The following CEP192 variants were observed in gnomAD, a reference collection of about 807,000 sequenced individuals.
The protein encoded by CEP192 is centrosomal protein 192, also known as centrosomal protein of 192 kDa.
Under a neutral mutation model 271.8 loss-of-function variants are expected in CEP192, and 151 were observed. That is an observed-to-expected ratio of 0.56 (90% CI 0.49 to 0.64). The LOEUF (loss-of-function observed/expected upper bound fraction) is 0.64. CEP192 is among the 30% of genes least tolerant of loss of function. The pLI, the probability that CEP192 is intolerant of heterozygous loss-of-function variation, is 0.00. For synonymous variants in CEP192, 995 were observed against 1,076.5 expected (o/e 0.92, Z 1.48); for missense variants, 2,910 against 3,020.5 (o/e 0.96, Z 0.86).
intron 8 of CEP192, 34 bp downstream of exon 8, chr18:13,018,649 G>T: frequency 7.2e-7 from 1 of 1,393,512 alleles, no homozygotes; most frequent in East Asian, 2.7e-5. Flanking sequence ...TTGTTCTTAA[G>T]TTCTAGTTTT....
At chr18:13,065,491 CTAATA>C (rs1156798584) in intron 21 of CEP192, among the ~76,000 whole-genome samples, 6 of 152,120 alleles carry the variant, frequency 3.9e-5, no homozygotes, top group Non-Finnish European at 8.8e-5. Context: ...AAAACTTATT[CTAATA>C]TAACAACAGC....
intron 30 of CEP192, among the ~76,000 whole-genome samples, chr18:13,076,114 C>CA (rs2144528330): frequency 6.6e-6 from 1 of 152,324 alleles, no homozygotes; most frequent in East Asian, 1.9e-4. Context: ...AGACAGTTCC[C>CA]ACCACAAAGA....
intron 11 of CEP192, among the ~76,000 whole-genome samples, chr18:13,036,170 GTTTT>G (rs1040880292): frequency 6.7e-6 from 1 of 149,482 alleles, no homozygotes; most frequent in African/African-American, 2.5e-5. Flanking sequence ...TGTTTTGTTT[GTTTT>G]TTTTAATAAG....
chr18:13,083,304 A>G (rs2038722906), intron 30 of CEP192, among the ~76,000 whole-genome samples: 1 of 152,238 alleles, frequency 6.6e-6, no homozygotes, highest in East Asian at 1.9e-4. Flanking sequence ...TATTTCTTGG[A>G]GGCTTTGTTT....
At chr18:13,005,201 A>G (rs1239276737) in intron 3 of CEP192, among the ~76,000 whole-genome samples, 1 of 152,158 alleles carries the variant, frequency 6.6e-6, no homozygotes, top group East Asian at 1.9e-4. Flanking sequence ...GGGGGTAGCA[A>G]TGTCCTCACA....
rs73951101 is a variant in CEP192, at chr18:13,101,253, A to G, written c.6871+741A>G. ...ATGAGATATTCAACCCCTTGTTATA[A>G]AATGAACTTTGTGTTAGAGGATTTG... On this transcript the variant is annotated intron_variant, in intron 38 of 44. Coordinates refer to ENST00000506447, the MANE Select transcript of CEP192 (RefSeq NM_032142.4). Among the ~76,000 whole-genome samples the G allele has an allele frequency of 5.5e-3, 843 of 152,316 alleles. 9 individuals are homozygous for G. The highest frequency in any genetic ancestry group is 0.019 in the African/African-American group (810 of 41,562).
At position 13,098,359 on chromosome 18, in the gene CEP192, C is replaced by T. The variant is rs533498856; in HGVS notation, c.6558-1117C>T. Among the ~76,000 whole-genome samples, 821 of 152,110 alleles carry T rather than the reference C, an allele frequency of 5.4e-3. 10 individuals are homozygous for T. Among genetic ancestry groups the T allele is most frequent in the African/African-American group, 0.018 (739 of 41,496 alleles). On this transcript the variant is annotated intron_variant, in intron 36 of 44. Coordinates refer to ENST00000506447, the MANE Select transcript of CEP192 (RefSeq NM_032142.4). ...CCTCCCGGACAGGGTGGCTGCCAGG[C>T]GGAGACACTCCTCACTTCCCAGACG... is the stretch of plus-strand genomic sequence containing the variant.
intron 42 of CEP192, 115 bp downstream of exon 42, chr18:13,114,366 C>T (rs1244608712): frequency 1.9e-6 from 2 of 1,073,974 alleles, no homozygotes; most frequent in Non-Finnish European, 2.7e-6. Flanking sequence ...GCACTCCAAC[C>T]AAGATACAGA....
At chr18:13,060,089 T>A (rs1035823047) in intron 21 of CEP192, among the ~76,000 whole-genome samples, 7 of 152,188 alleles carry the variant, frequency 4.6e-5, no homozygotes, top group African/African-American at 1.4e-4. Flanking sequence ...AATAGGGATA[T>A]GCCCTGAGAA....
chr18:13,038,203 A>C (rs999890690), intron 12 of CEP192, among the ~76,000 whole-genome samples, 167 bp from the exon 13 acceptor site: 9 of 152,120 alleles, frequency 5.9e-5, no homozygotes, highest in African/African-American at 1.9e-4. Flanking sequence ...GGACTTCATT[A>C]GCTGTGGTAG....
At position 13,073,115 on chromosome 18, in the gene CEP192, T is replaced by TC; in HGVS notation, c.5546_5547insC (p.Leu1849PhefsTer7). 6.2e-7 allele frequency: 1 copy of TC among 1,613,896 alleles called. No individual in the cohort carries two copies. The highest frequency in any genetic ancestry group is 1.7e-5 in the Admixed American group (1 of 59,974). ...TCTGTATTATTTGCACCTACTCGAT[T>TC]ATCTTGCATGTTGGCTAGACTAGAA... On this transcript the variant is annotated frameshift_variant, in exon 30 of 45. Coordinates refer to ENST00000506447, the MANE Select transcript of CEP192 (RefSeq NM_032142.4). LOFTEE classifies it high-confidence loss of function.
At chr18:13,038,290 C>CT in intron 12 of CEP192, 80 bp from the exon 13 acceptor site, 1 of 1,152,220 alleles carries the variant, frequency 8.7e-7, no homozygotes, top group East Asian at 2.7e-5. Context: ...CTTGGTAAGA[C>CT]TTTTTTAGTT....
intron 24 of CEP192, among the ~76,000 whole-genome samples, 166 bp from the exon 25 acceptor site, chr18:13,068,686 C>T (rs1212078921): frequency 6.6e-6 from 1 of 152,072 alleles, no homozygotes; most frequent in African/African-American, 2.4e-5. Flanking sequence ...TGTTTTCTTT[C>T]TTTTATCACC....
chr18:13,108,687 A>G (rs1460455982), intron 40 of CEP192, among the ~76,000 whole-genome samples: 1 of 152,170 alleles, frequency 6.6e-6, no homozygotes, highest in Non-Finnish European at 1.5e-5. Flanking sequence ...TACAAAAAAT[A>G]CAGAAATTAG....
At chr18:13,123,285 T>C (rs1335424903) in intron 44 of CEP192, among the ~76,000 whole-genome samples, 1 of 152,118 alleles carries the variant, frequency 6.6e-6, no homozygotes, top group African/African-American at 2.4e-5. Context: ...TTTGACATGG[T>C]AAAACAAATG....
In CEP192 at chr18:13,068,880, G is replaced by A. The variant is rs370552371; in HGVS notation, c.4851G>A (p.Ser1617=). ...TTCTGGACTCAGCAGAAGAATTCTC[G>A]GCAAAAGTTGATATCGAAGTTGACA... ...SDILDSAEEF[S]AKVDIEVDSP... The change falls in exon 25 of 45, where the codon TCG becomes TCA. Residue 1617 remains serine (S), a synonymous_variant. Transcript: ENST00000506447. 2.1e-5 allele frequency: 34 copies of A among 1,613,966 alleles called. No individual in the cohort carries two copies. Among genetic ancestry groups the A allele is most frequent in the African/African-American group, 5.3e-5 (4 of 74,862 alleles).
chr18:13,029,637 A>T (rs2143526039), intron 9 of CEP192, 26 bp from the exon 10 acceptor site: 1 of 1,401,136 alleles, frequency 7.1e-7, no homozygotes, highest in Non-Finnish European at 9.5e-7. Context: ...TTGCTCTGTT[A>T]AAAAATCTGA....
chr18:13,019,126 A>G lies in CEP192; in HGVS notation c.970A>G (p.Met324Val), dbSNP rs1017729655. ...AGATAGTAGAAGGTACACAGATGGTATGTTACCATTTTCCTCTGGTACTTG... is the reference window on the plus strand; with the variant it reads ...AGATAGTAGAAGGTACACAGATGGTGTGTTACCATTTTCCTCTGGTACTTG... ...TGDSRRYTDG[M>V]LPFSSGTWGT... is the part of the protein sequence containing the mutation. Residue 324 changes from methionine (M) to valine (V), a missense_variant, in exon 9 of 45, where the codon ATG becomes GTG. Met to Val is a conservative substitution (Grantham distance 21). Coordinates refer to ENST00000506447, the MANE Select transcript of CEP192 (RefSeq NM_032142.4). 11 of 1,544,602 alleles carry G rather than the reference A, an allele frequency of 7.1e-6. No homozygotes were observed. Among genetic ancestry groups the G allele is most frequent in the South Asian group, 4.8e-5 (4 of 82,854 alleles).
intron 11 of CEP192, among the ~76,000 whole-genome samples, chr18:13,034,043 T>G (rs1332626494): frequency 2.0e-5 from 3 of 152,232 alleles, no homozygotes; most frequent in Non-Finnish European, 4.4e-5. Flanking sequence ...TATATACCCT[T>G]GTAAGTCTTT....
Sources: gnomAD v4.1 joint callset for allele counts (sites outside exome capture counted in the v4.1 genomes callset) on GRCh38, gnomAD v4.1.1 for gene constraint, MANE v1.5 for transcripts, NCBI Gene and HGNC (gene_info 2026-07-23, HGNC 2026-07-21) for gene names.